The following MAP3K9 variants were observed in gnomAD, a reference collection of about 807,000 sequenced individuals.
MAP3K9 encodes the protein mitogen-activated protein kinase kinase kinase 9, also known as mixed lineage kinase 1 (tyr and ser/thr specificity).
In MAP3K9, 46 loss-of-function variants were observed where a neutral mutation model predicts 95.8. The observed-to-expected ratio is 0.48, with a 90% CI of 0.38 to 0.61. The LOEUF is 0.61. Among genes scored for constraint, MAP3K9 ranks in the 20% least tolerant of loss-of-function variants. The pLI, the probability that MAP3K9 is intolerant of heterozygous loss-of-function variation, is 0.00. For synonymous variants in MAP3K9, 533 were observed against 593.8 expected (o/e 0.90, Z 1.49); for missense variants, 1,296 against 1,474.3 (o/e 0.88, Z 1.98).
chr14:70,784,035 G>A (rs754710719), intron 2 of MAP3K9, among the ~76,000 whole-genome samples: 4 of 151,958 alleles, frequency 2.6e-5, no homozygotes, highest in Non-Finnish European at 4.4e-5. Flanking sequence ...TGTAATCCCA[G>A]CACTTTGGGA....
At chr14:70,767,018 C>A (rs1244131931) in intron 2 of MAP3K9, among the ~76,000 whole-genome samples, 1 of 152,100 alleles carries the variant, frequency 6.6e-6, no homozygotes, top group Non-Finnish European at 1.5e-5. Flanking sequence ...AAAGCAAAAA[C>A]CTCATTCTTT....
At chr14:70,800,575 C>T in intron 2 of MAP3K9, 92 bp downstream of exon 2, 1 of 1,343,272 alleles carries the variant, frequency 7.4e-7, no homozygotes, top group East Asian at 2.3e-5. Flanking sequence ...TCACTGCCCT[C>T]TAAGGTTCCA....
In MAP3K9 at chr14:70,809,026, C is replaced by G. The variant is rs770364615; in HGVS notation, c.146G>C (p.Gly49Ala). Residue 49 changes from glycine (G) to alanine (A), a missense_variant, in exon 1 of 12, where the codon GGC (glycine) becomes GCC (alanine). This residue lies in a region of MAP3K9 where 338 missense variants were observed against 363.4 expected (regional missense o/e 0.93). Coordinates refer to ENST00000554752, the MANE Select transcript of MAP3K9 (RefSeq NM_001284230.2). ...AAAAVGPGEL[G>A]CDAPLPYWTA... is the part of the protein sequence containing the mutation. ...CCAGTAGGGCAGCGGCGCGTCGCAG[C>G]CCAGCTCCCCGGGGCCCACCGCCGC... 2.0e-6 allele frequency: 3 copies of G among 1,497,680 alleles called. No individual in the cohort carries two copies. The African/African-American group carries it at 4.3e-5, about 21-fold the overall frequency. 92.8% of individuals were successfully genotyped at this position (1,497,680 alleles called of 1,614,324 possible).
At chr14:70,778,457 G>A (rs8022803) in intron 2 of MAP3K9, among the ~76,000 whole-genome samples, 78,116 of 151,704 alleles carry the variant, frequency 0.51, 20,173 homozygotes, top group South Asian at 0.63. Context: ...TGTGTTTTTA[G>A]CAGAGACGGG....
chr14:70,808,067 C>A (rs1438002462), intron 1 of MAP3K9, among the ~76,000 whole-genome samples: 1 of 152,226 alleles, frequency 6.6e-6, no homozygotes, highest in Non-Finnish European at 1.5e-5. Context: ...CCTGATCTCC[C>A]ATGGGGGAAC....
Position 70,808,824 on chromosome 14 carries a change from G to A in MAP3K9, c.348C>T (p.Ala116=). 2.5e-6 allele frequency: 4 copies of A among 1,596,224 alleles called. No homozygotes were observed. Among genetic ancestry groups the A allele is most frequent in the South Asian group, 2.3e-5 (2 of 88,138 alleles). The change falls in exon 1 of 12, where the codon GCC becomes GCT. Residue 116 remains alanine (A), a synonymous_variant. Coordinates refer to ENST00000554752, the MANE Select transcript of MAP3K9 (RefSeq NM_001284230.2). ...FPSNYVTPRS[A]FSSRCQPGGE... Reference sequence around the variant, plus strand: ...CGCCGGGCTGGCAGCGGCTGGAGAAGGCGCTGCGCGGGGTCACGTAGTTGC... The same window carrying A: ...CGCCGGGCTGGCAGCGGCTGGAGAAAGCGCTGCGCGGGGTCACGTAGTTGC...
At chr14:70,735,591 G>A (rs1201832551) in intron 9 of MAP3K9, among the ~76,000 whole-genome samples, 1 of 152,156 alleles carries the variant, frequency 6.6e-6, no homozygotes. Flanking sequence ...ACAGCCTGGG[G>A]CTTCCTACTG....
At chr14:70,760,393 A>G (rs765098893) in intron 3 of MAP3K9, among the ~76,000 whole-genome samples, 44 of 152,258 alleles carry the variant, frequency 2.9e-4, no homozygotes, top group Non-Finnish European at 4.6e-4. Flanking sequence ...ATGGCTGGTC[A>G]TTTCTAGTCT....
chr14:70,741,948 A>C (rs1036554824), intron 6 of MAP3K9, among the ~76,000 whole-genome samples: 2 of 152,010 alleles, frequency 1.3e-5, no homozygotes, highest in Non-Finnish European at 2.9e-5. Flanking sequence ...ACTCTGTCTC[A>C]AAAAAAAGAA....
chr14:70,761,336 A>T, intron 2 of MAP3K9, 154 bp from the exon 3 acceptor site: 1 of 628,028 alleles, frequency 1.6e-6, no homozygotes, highest in South Asian at 2.1e-5. Flanking sequence ...TTTCTTAAAC[A>T]CCTACAGTGC....
At chr14:70,764,458 T>A (rs2054421374) in intron 2 of MAP3K9, among the ~76,000 whole-genome samples, 1 of 147,530 alleles carries the variant, frequency 6.8e-6, no homozygotes, top group African/African-American at 2.5e-5. Context: ...TTAAAAAAAA[T>A]AATGTAGGCT....
chr14:70,739,071 A>G (rs1007443476), intron 7 of MAP3K9, among the ~76,000 whole-genome samples: 1 of 152,238 alleles, frequency 6.6e-6, no homozygotes, highest in East Asian at 1.9e-4. Flanking sequence ...AGCCAACTGT[A>G]GCCACATGAA....
intron 3 of MAP3K9, among the ~76,000 whole-genome samples, chr14:70,759,281 C>T (rs977349092): frequency 2.6e-5 from 4 of 151,966 alleles, no homozygotes; most frequent in Admixed American, 1.3e-4. Flanking sequence ...CCCGTCTCTA[C>T]TAAAAATATA....
At chr14:70,735,820 T>TAAAACA (rs1243403781) in intron 9 of MAP3K9, 141 bp downstream of exon 9, 9 of 704,034 alleles carry the variant, frequency 1.3e-5, no homozygotes, top group Non-Finnish European at 1.5e-5. Context: ...TGGTACTGCT[T>TAAAACA]AAAACAAAAA....
intron 2 of MAP3K9, among the ~76,000 whole-genome samples, chr14:70,796,950 G>A (rs958241468): frequency 3.3e-5 from 5 of 152,196 alleles, no homozygotes; most frequent in Non-Finnish European, 5.9e-5. Context: ...TTCGGGCTAC[G>A]TACGGTCAAT....
Position 70,727,499 on chromosome 14 carries a change from T to C in MAP3K9, c.*2881A>G. 1 of 152,616 alleles carries C rather than the reference T, an allele frequency of 6.6e-6. No individual in the cohort carries two copies. The highest frequency in any genetic ancestry group is 1.5e-5 in the Non-Finnish European group (1 of 68,246). The allele number at this position is 152,616 out of a possible 1,614,324, so 9.5% of individuals were successfully genotyped here. ...GAAGGCAGAGGAAAGGGGGGCCGGC[T>C]ACTGCCACTCAAGTGGCTTCATCCA... On this transcript the variant is annotated 3_prime_UTR_variant, in exon 12 of 12. Transcript: ENST00000554752.
chr14:70,764,055 G>A (rs969776403), intron 2 of MAP3K9, among the ~76,000 whole-genome samples: 17 of 148,098 alleles, frequency 1.1e-4, no homozygotes, highest in African/African-American at 4.0e-4. Flanking sequence ...GCGCGGTGGC[G>A]GGCGCTTGTA....
intron 9 of MAP3K9, among the ~76,000 whole-genome samples, chr14:70,735,373 T>C (rs1406766353): frequency 6.6e-6 from 1 of 151,894 alleles, no homozygotes; most frequent in Non-Finnish European, 1.5e-5. Flanking sequence ...GCTCTTTTTT[T>C]TTTTTTTTTT....
intron 2 of MAP3K9, among the ~76,000 whole-genome samples, chr14:70,774,715 G>A (rs545017290): frequency 5.7e-4 from 87 of 151,862 alleles, no homozygotes; most frequent in Non-Finnish European, 1.0e-3. Flanking sequence ...GGCCAGGCAC[G>A]GTGGCTCACG....
Sources: allele counts gnomAD v4.1 joint callset (sites outside exome capture counted in the v4.1 genomes callset), GRCh38; gene constraint gnomAD v4.1.1; regional missense constraint gnomAD v4.1.1; transcripts MANE v1.5; gene names NCBI Gene and HGNC (gene_info 2026-07-23, HGNC 2026-07-21).